Variants in LMF1 observed in about 807,000 individuals in gnomAD.
LMF1 encodes transmembrane protein 112.
A neutral mutation model predicts 60.6 loss-of-function variants in LMF1; 68 were observed. The ratio of observed to expected loss-of-function variants is 1.12; its 90% CI spans 0.92 to 1.37. The LOEUF (loss-of-function observed/expected upper bound fraction) is 1.37, where lower values mean the gene tolerates loss of function less well. LMF1 is among the 40% of genes most tolerant of loss of function. LMF1 has a pLI of 0.00. For missense variants in LMF1, 948 were observed against 767.2 expected, an observed-to-expected ratio of 1.24 and a Z score of -2.78; for synonymous variants, 418 against 324.7, an observed-to-expected ratio of 1.29 and a Z score of -3.09.
At chr16:967,704 C>A (rs1252193154) in intron 1 of LMF1, among the ~76,000 whole-genome samples, 1 of 152,240 alleles carries the variant, frequency 6.6e-6, no homozygotes. Context: ...GCCGTCACGG[C>A]CCGAGAACGC....
intron 5 of LMF1, among the ~76,000 whole-genome samples, chr16:891,172 C>A (rs531013814): frequency 1.3e-5 from 2 of 152,218 alleles, no homozygotes; most frequent in African/African-American, 4.8e-5. Context: ...TGGGCCCCCC[C>A]GGCCCGCCTC....
chr16:895,548 C>T (rs954685503), intron 4 of LMF1, among the ~76,000 whole-genome samples: 1 of 152,192 alleles, frequency 6.6e-6, no homozygotes, highest in Non-Finnish European at 1.5e-5. Context: ...CTGCTGCTGT[C>T]TGTGCAGGAC....
intron 3 of LMF1, among the ~76,000 whole-genome samples, chr16:932,086 G>A (rs888009382): frequency 6.6e-6 from 1 of 152,206 alleles, no homozygotes; most frequent in African/African-American, 2.4e-5. Context: ...GGTTGGGGAC[G>A]CGGGAGGCTG....
intron 1 of LMF1, among the ~76,000 whole-genome samples, chr16:977,948 ACACACAC>A (rs1432043562): frequency 8.9e-6 from 1 of 112,216 alleles, no homozygotes; most frequent in Non-Finnish European, 1.8e-5. Context: ...ATACACACGC[ACACACAC>A]CACACACCAT....
At chr16:945,923 G>A (rs1407329018) in intron 2 of LMF1, among the ~76,000 whole-genome samples, 1 of 152,210 alleles carries the variant, frequency 6.6e-6, no homozygotes, top group East Asian at 1.9e-4. Flanking sequence ...AGTACAAGGT[G>A]CAAAGACAGA....
intron 1 of LMF1, among the ~76,000 whole-genome samples, chr16:977,335 G>A (rs1263142733): frequency 6.6e-6 from 1 of 152,188 alleles, no homozygotes; most frequent in Non-Finnish European, 1.5e-5. Flanking sequence ...GACTCCCGAA[G>A]GGGGTCTTGA....
chr16:951,067 C>A (rs375758518), intron 2 of LMF1, among the ~76,000 whole-genome samples: 3 of 39,596 alleles, frequency 7.6e-5, no homozygotes, highest in Non-Finnish European at 8.0e-5. Context: ...ACAGAGTCAG[C>A]CGACAGAGTC....
At chr16:866,440 T>C (rs550655199) in intron 10 of LMF1, among the ~76,000 whole-genome samples, 2 of 152,234 alleles carry the variant, frequency 1.3e-5, no homozygotes, top group East Asian at 3.9e-4. Flanking sequence ...AGGTCCTGAC[T>C]TTCTGGTAGC....
chr16:934,407 G>A lies in LMF1; in HGVS notation c.504-153C>T, dbSNP rs973070208. 3.8e-5 allele frequency: 34 copies of A among 886,706 alleles called. No individual in the cohort carries two copies. In the African/African-American group the frequency reaches 5.0e-4, roughly 13 times the overall value. The allele number at this position is 886,706 out of a possible 1,614,324, so 54.9% of individuals were successfully genotyped here. A position where few individuals can be genotyped will look rare whatever the true frequency, so the allele number is the denominator to read the frequency against. On this transcript the variant is annotated intron_variant, in intron 2 of 10. Coordinates refer to ENST00000262301, the MANE Select transcript of LMF1 (RefSeq NM_022773.4). Reference sequence around the variant, plus strand: ...GAGGACCTGCCCGCTGGGCATTAGGGGAACAGGAGCCCCTCCCCACGGCTC... The same window carrying A: ...GAGGACCTGCCCGCTGGGCATTAGGAGAACAGGAGCCCCTCCCCACGGCTC...
In LMF1 at chr16:936,129, G is replaced by C. The variant is rs531670054; in HGVS notation, c.504-1875C>G. Among the ~76,000 whole-genome samples the C allele has an allele frequency of 3.3e-5, 5 of 150,024 alleles. No individual in the cohort carries two copies. The East Asian group carries it at 9.9e-4, about 30-fold the overall frequency. On this transcript the variant is annotated intron_variant, in intron 2 of 10. Coordinates refer to ENST00000262301, the MANE Select transcript of LMF1 (RefSeq NM_022773.4). ...GGCTGAGGAAGGAGGCTGGGAGGGA[G>C]AGAGGGCACCCCGTGGGCTGAGGAA...
chr16:872,007 C>G (rs1310262930), intron 6 of LMF1: 1 of 152,288 alleles, frequency 6.6e-6, no homozygotes, highest in Admixed American at 6.5e-5. Flanking sequence ...TCAGAGGGAC[C>G]CGCTTCTGGA....
At chr16:908,321 C>G (rs1183937721) in intron 4 of LMF1, among the ~76,000 whole-genome samples, 1 of 152,214 alleles carries the variant, frequency 6.6e-6, no homozygotes, top group African/African-American at 2.4e-5. Context: ...ATCCCACTTT[C>G]CTGCGCGATC....
At chr16:914,745 C>G (rs2071231239) in intron 3 of LMF1, among the ~76,000 whole-genome samples, 7 of 129,230 alleles carry the variant, frequency 5.4e-5, no homozygotes, top group Non-Finnish European at 6.6e-5. Context: ...CTCCCCATGA[C>G]TATTGGTGAC....
chr16:898,147 A>G (rs1278624885), intron 4 of LMF1, among the ~76,000 whole-genome samples: 2 of 152,234 alleles, frequency 1.3e-5, no homozygotes, highest in Non-Finnish European at 1.5e-5. Flanking sequence ...ATTGAGGACA[A>G]AGCTCTTCCC....
chr16:870,474 C>T (rs978732506), intron 8 of LMF1, among the ~76,000 whole-genome samples: 3 of 152,214 alleles, frequency 2.0e-5, no homozygotes, highest in African/African-American at 4.8e-5. Context: ...CCCCAGTAGG[C>T]ATTCCAGGGC....
In LMF1 at chr16:874,974, G is replaced by A. The variant is rs1034225770; in HGVS notation, c.898-3633C>T. The stretch of plus-strand genomic sequence containing the variant: ...TTCAAGACCCCACACTGCCTGTGAG[G>A]GGGCAGGATACATCGCAGCCGGGAC... On this transcript the variant is annotated intron_variant, in intron 6 of 10. Coordinates refer to ENST00000262301, the MANE Select transcript of LMF1 (RefSeq NM_022773.4). This position sits in a 1 kb window ranked among gnomAD's most constrained non-coding sequence, Gnocchi z 4.1. Among the ~76,000 whole-genome samples, 1 of 152,214 alleles carries A rather than the reference G, an allele frequency of 6.6e-6. No individual in the cohort carries two copies. The highest frequency in any genetic ancestry group is 2.1e-4 in the South Asian group (1 of 4,830).
chr16:970,867 T>A lies in LMF1; in HGVS notation c.114A>T (p.Ala38=), dbSNP rs1461642932. 6.4e-7 allele frequency: 1 copy of A among 1,564,574 alleles called. No homozygotes were observed. The highest frequency in any genetic ancestry group is 1.2e-5 in the South Asian group (1 of 84,316). The change falls in exon 1 of 11, where the codon GCA becomes GCT. Residue 38 remains alanine, a synonymous_variant. Transcript: ENST00000262301. The part of the protein sequence containing the change: ...ESPPAPGRGP[A]GSPAHLHTGT... ...CCGTGTGGAGATGGGCCGGAGAGCC[T>A]GCGGGGCCACGCCCCGGCGCGGGCG...
intron 3 of LMF1, among the ~76,000 whole-genome samples, chr16:918,192 G>C (rs1274806260): frequency 6.6e-6 from 1 of 152,224 alleles, no homozygotes; most frequent in East Asian, 1.9e-4. Context: ...TTCGTGGACT[G>C]TTACATATTT....
At chr16:955,691 A>G (rs2072682266) in intron 1 of LMF1, among the ~76,000 whole-genome samples, 1 of 152,246 alleles carries the variant, frequency 6.6e-6, no homozygotes, top group Non-Finnish European at 1.5e-5. Context: ...CAGTGTGTAT[A>G]CACGCACACA....
Sources: allele counts gnomAD v4.1 joint callset (sites outside exome capture counted in the v4.1 genomes callset), GRCh38; gene constraint gnomAD v4.1.1; non-coding constraint Gnocchi (gnomAD v3.1); transcripts MANE v1.5; gene names NCBI Gene and HGNC (gene_info 2026-07-23, HGNC 2026-07-21).